WDR49: variants seen among roughly 807,000 people sequenced by gnomAD.
WDR49 encodes the protein WD repeat domain 49.
Under a neutral mutation model 119.5 loss-of-function variants are expected in WDR49, and 107 were observed. The observed-to-expected ratio is 0.90, with a 90% CI of 0.77 to 1.05. The LOEUF (loss-of-function observed/expected upper bound fraction) is 1.05, where lower values mean the gene tolerates loss of function less well. Among genes scored for constraint, WDR49 ranks in the 50% least tolerant of loss-of-function variants. WDR49 has a pLI of 0.00. For synonymous variants in WDR49, 425 were observed against 418.8 expected (o/e 1.01, Z -0.18); for missense variants, 1,240 against 1,220.5 (o/e 1.02, Z -0.24).
chr3:167,536,391 A>G (rs1419790416), intron 11 of WDR49, among the ~76,000 whole-genome samples: 1 of 152,008 alleles, frequency 6.6e-6, no homozygotes, highest in African/African-American at 2.4e-5. Flanking sequence ...TTAAAAAGAA[A>G]TATATGGCCG....
chr3:167,572,912 G>A (rs959320985), intron 8 of WDR49, among the ~76,000 whole-genome samples: 2 of 152,132 alleles, frequency 1.3e-5, no homozygotes, highest in African/African-American at 4.8e-5. Flanking sequence ...CCCACCTCAA[G>A]GGACATTCCT....
chr3:167,632,791 T>C (rs959787025), intron 2 of WDR49, among the ~76,000 whole-genome samples: 1 of 152,042 alleles, frequency 6.6e-6, no homozygotes, highest in Non-Finnish European at 1.5e-5. Context: ...CTCATCCTAC[T>C]ATATATATCA....
intron 3 of WDR49, 24 bp downstream of exon 3, chr3:167,626,828 C>A: frequency 1.6e-6 from 2 of 1,233,686 alleles, no homozygotes; most frequent in Non-Finnish European, 2.0e-6. Context: ...ACAAGCAGTA[C>A]ATTTTTTTAT....
At chr3:167,624,701 G>T (rs1195679604) in intron 3 of WDR49, among the ~76,000 whole-genome samples, 2 of 151,920 alleles carry the variant, frequency 1.3e-5, no homozygotes, top group Non-Finnish European at 2.9e-5. Context: ...CAAAAGAAAG[G>T]CTAAGATTTT....
chr3:167,479,036 G>T (rs765512728), intron 18 of WDR49, 40 bp from the exon 19 acceptor site: 1 of 1,416,948 alleles, frequency 7.1e-7, no homozygotes, highest in Non-Finnish European at 9.7e-7. Flanking sequence ...AATTATATTT[G>T]TTAAGAGACC....
At chr3:167,615,558 T>C (rs1232587375) in intron 5 of WDR49, among the ~76,000 whole-genome samples, 1 of 152,116 alleles carries the variant, frequency 6.6e-6, no homozygotes, top group Non-Finnish European at 1.5e-5. Flanking sequence ...CAATAATTTA[T>C]CTAAGACTTT....
chr3:167,596,315 T>C (rs1468329269), intron 7 of WDR49, among the ~76,000 whole-genome samples: 2 of 149,070 alleles, frequency 1.3e-5, no homozygotes, highest in Non-Finnish European at 3.0e-5. Flanking sequence ...AGTGTGGCGA[T>C]TCCTCAGGGA....
intron 7 of WDR49, among the ~76,000 whole-genome samples, chr3:167,580,625 A>T (rs1328366723): frequency 6.6e-6 from 1 of 152,168 alleles, no homozygotes; most frequent in Non-Finnish European, 1.5e-5. Flanking sequence ...TTAGCTTTAA[A>T]CCAGGTAATT....
At chr3:167,617,409 C>T (rs1444407272) in intron 5 of WDR49, among the ~76,000 whole-genome samples, 1 of 152,150 alleles carries the variant, frequency 6.6e-6, no homozygotes, top group Non-Finnish European at 1.5e-5. Flanking sequence ...TGCCTGTAAT[C>T]CCAGCTATTC....
At chr3:167,495,349 T>C (rs954563851) in intron 18 of WDR49, among the ~76,000 whole-genome samples, 3 of 143,534 alleles carry the variant, frequency 2.1e-5, no homozygotes, top group Non-Finnish European at 4.5e-5. Flanking sequence ...ACTGAAAGTA[T>C]ATAAATATGT....
rs137998656 is a variant in WDR49 at position 167,516,527 on chromosome 3, C to T, written c.2774+5788G>A. ...TTGGACATTTGGGTTGGTTCCAAGT[C>T]GTCGTTATTGTGAATAGTGCCACAA... On this transcript the variant is annotated intron_variant, in intron 16 of 18. Coordinates refer to ENST00000682715, the MANE Select transcript of WDR49 (RefSeq NM_001366157.1). Among the ~76,000 whole-genome samples the T allele has an allele frequency of 1.6e-3, 242 of 152,094 alleles. 4 individuals are homozygous for T. The East Asian group carries it at 0.031, about 20-fold the overall frequency.
chr3:167,486,814 C>T (rs2108193587), intron 18 of WDR49, among the ~76,000 whole-genome samples: 1 of 152,042 alleles, frequency 6.6e-6, no homozygotes, highest in South Asian at 2.1e-4. Context: ...CAACATTAAA[C>T]AGATCTTCAA....
At chr3:167,488,737 C>G (rs1751017147) in intron 18 of WDR49, among the ~76,000 whole-genome samples, 1 of 151,928 alleles carries the variant, frequency 6.6e-6, no homozygotes, top group Admixed American at 6.6e-5. Context: ...TCTTTAAATC[C>G]TCTGAAGGCT....
intron 2 of WDR49, among the ~76,000 whole-genome samples, chr3:167,638,547 G>T (rs1717727964): frequency 1.3e-5 from 2 of 151,480 alleles, no homozygotes; most frequent in African/African-American, 4.8e-5. Flanking sequence ...ATTAGGTTTT[G>T]CTGTCAAATT....
At chr3:167,616,399 G>GT (rs1207613509) in intron 5 of WDR49, among the ~76,000 whole-genome samples, 4 of 152,184 alleles carry the variant, frequency 2.6e-5, no homozygotes, top group African/African-American at 9.7e-5. Flanking sequence ...AATAGGCAAA[G>GT]TAGAACTGTG....
At chr3:167,554,069 AAT>A (rs1198300475) in intron 10 of WDR49, among the ~76,000 whole-genome samples, 3 of 152,054 alleles carry the variant, frequency 2.0e-5, no homozygotes, top group African/African-American at 7.2e-5. Flanking sequence ...ATCACACTTT[AAT>A]TTTCCTACTG....
At chr3:167,572,588 T>A (rs2108281056) in intron 8 of WDR49, among the ~76,000 whole-genome samples, 1 of 152,350 alleles carries the variant, frequency 6.6e-6, no homozygotes, top group South Asian at 2.1e-4. Flanking sequence ...AATAATTTAT[T>A]ATGTCTAGTA....
At chr3:167,482,189 T>C (rs924928135) in intron 18 of WDR49, among the ~76,000 whole-genome samples, 3 of 152,152 alleles carry the variant, frequency 2.0e-5, no homozygotes, top group African/African-American at 4.8e-5. Context: ...TTAGATATTT[T>C]ATAGAAATGA....
chr3:167,539,411 C>T (rs769751709), intron 10 of WDR49, among the ~76,000 whole-genome samples: 14 of 152,232 alleles, frequency 9.2e-5, no homozygotes, highest in Non-Finnish European at 1.6e-4. Flanking sequence ...AGACCCACAT[C>T]TACCTATTCA....
Sources: gnomAD v4.1 joint callset for allele counts (sites outside exome capture counted in the v4.1 genomes callset) on GRCh38, gnomAD v4.1.1 for gene constraint, MANE v1.5 for transcripts, NCBI Gene and HGNC (gene_info 2026-07-23, HGNC 2026-07-21) for gene names.